The following PLAU variants were observed in gnomAD, a reference collection of about 807,000 sequenced individuals.
The protein encoded by PLAU is plasminogen activator, urokinase.
Under a neutral mutation model 48.9 loss-of-function variants are expected in PLAU, and 32 were observed. The observed-to-expected ratio is 0.65, with a 90% CI of 0.49 to 0.88. PLAU has a LOEUF of 0.88. Ranked by LOEUF, PLAU falls within the 40% of genes least tolerant of loss-of-function variation. The pLI is 0.00. For synonymous variants in PLAU, 199 were observed against 205.7 expected, an observed-to-expected ratio of 0.97 and a Z score of 0.28; for missense variants, 455 against 545.2, an observed-to-expected ratio of 0.83 and a Z score of 1.65.
chr10:73,914,139 A>T lies in PLAU; in HGVS notation c.829+11A>T. On this transcript the variant is annotated intron_variant, in intron 8 of 10. Coordinates refer to ENST00000372764, the MANE Select transcript of PLAU (RefSeq NM_002658.6). The stretch of plus-strand genomic sequence containing the variant: ...ACCACAACGACATTGGTGAGGGGGA[A>T]CCCCGCGACTACTGTGGCCATAATG... 1 of 1,613,326 alleles carries T rather than the reference A, an allele frequency of 6.2e-7. No homozygotes were observed. The highest frequency in any genetic ancestry group is 8.5e-7 in the Non-Finnish European group (1 of 1,179,800).
At position 73,913,973 on chromosome 10, in the gene PLAU, C is replaced by CTT; in HGVS notation, c.681-7_681-6insTT. ...CTAAGCTGTTTGATGGGTATCTTCT[C>CTT]CCACAGTGATTACCCAAAGAAGGAG... is the stretch of plus-strand genomic sequence containing the variant. On this transcript the variant is annotated splice_polypyrimidine_tract_variant and splice_region_variant and intron_variant, in intron 7 of 10. Transcript: ENST00000372764. The CTT allele has an allele frequency of 6.2e-7, 1 of 1,612,598 alleles. No homozygotes were observed. Among genetic ancestry groups the CTT allele is most frequent in the Non-Finnish European group, 8.5e-7 (1 of 1,178,760 alleles).
intron 8 of PLAU, 138 bp from the exon 9 acceptor site, chr10:73,914,638 G>A: frequency 1.3e-6 from 1 of 776,690 alleles, no homozygotes; most frequent in Non-Finnish European, 2.0e-6. Flanking sequence ...AGGTTTCCAG[G>A]TGATAAGCGA....
chr10:73,912,199 C>T lies in PLAU; in HGVS notation c.86-16C>T. 6.2e-7 allele frequency: 1 copy of T among 1,614,214 alleles called. No homozygotes were observed. ...CTTCCACTCCCCCTCGCTTACCCCA[C>T]CTTTGTTCTCTCCAGCGAACTGTGA... is the stretch of plus-strand genomic sequence containing the variant. On this transcript the variant is annotated splice_polypyrimidine_tract_variant and intron_variant, in intron 3 of 10. Transcript: ENST00000372764.
chr10:73,909,497 G>A (rs181062146), upstream of PLAU, among the ~76,000 whole-genome samples: 2 of 152,326 alleles, frequency 1.3e-5, no homozygotes, highest in Admixed American at 1.3e-4. Flanking sequence ...CCAGAAGACA[G>A]TGGGTCACCT....
At position 73,911,546 on chromosome 10, in the gene PLAU, C is replaced by T. The variant is rs992452916; in HGVS notation, c.-10C>T. The T allele has an allele frequency of 6.2e-7, 1 of 1,611,826 alleles. No homozygotes were observed. The highest frequency in any genetic ancestry group is 8.5e-7 in the Non-Finnish European group (1 of 1,179,930). On this transcript the variant is annotated 5_prime_UTR_variant, in exon 2 of 11. Transcript: ENST00000372764. ...GCAGAGCCGCCGTCTAGCGCCCCGA[C>T]CTCGCCACCATGAGAGCCCTGCTGG...
At chr10:73,913,255 T>A (rs2096128658) in intron 5 of PLAU, 35 bp from the exon 6 acceptor site, 1 of 1,608,310 alleles carries the variant, frequency 6.2e-7, no homozygotes, top group Non-Finnish European at 8.5e-7. Flanking sequence ...GCCCTCTGGG[T>A]TGGAATGACA....
chr10:73,914,227 G>A (rs2096131470), intron 8 of PLAU, 99 bp downstream of exon 8: 2 of 1,268,670 alleles, frequency 1.6e-6, no homozygotes, highest in East Asian at 2.4e-5. Flanking sequence ...CGGTGGGGCA[G>A]GGGTGGGGCG....
rs768435349 is a variant in PLAU at position 73,912,990 on chromosome 10, T to G, written c.260T>G (p.Met87Arg). ...CGAGGAAAGGCCAGCACTGACACCATGGGCCGGCCCTGCCTGCCCTGGAAC... is the reference window on the plus strand; with the variant it reads ...CGAGGAAAGGCCAGCACTGACACCAGGGGCCGGCCCTGCCTGCCCTGGAAC... ...FYRGKASTDT[M>R]GRPCLPWNSA... Residue 87 changes from methionine (M) to arginine (R), a missense_variant, in exon 5 of 11, where the codon ATG (methionine) becomes AGG (arginine). Transcript: ENST00000372764. 1 of 1,613,848 alleles carries G rather than the reference T, an allele frequency of 6.2e-7. No homozygotes were observed. Among genetic ancestry groups the G allele is most frequent in the East Asian group, 2.2e-5 (1 of 44,898 alleles).
rs145070893 is a variant in PLAU at position 73,913,679 on chromosome 10, C to T, written c.601C>T (p.Arg201Trp). 3.8e-4 allele frequency: 610 copies of T among 1,613,348 alleles called. No homozygotes were observed. Among genetic ancestry groups the T allele is most frequent in the Middle Eastern group, 5.0e-4 (3 of 6,060 alleles). ...PWFAAIYRRHRGGSVTYVCGG... is the reference protein window; with the variant it reads ...PWFAAIYRRHWGGSVTYVCGG... ...GTTTGCGGCCATCTACAGGAGGCAC[C>T]GGGGGGGCTCTGTCACCTACGTGTG... The change falls in exon 7 of 11, where the codon CGG becomes TGG. Residue 201 changes from arginine to tryptophan, a missense_variant. Coordinates refer to ENST00000372764, the MANE Select transcript of PLAU (RefSeq NM_002658.6).
Position 73,911,622 on chromosome 10 carries a change from C to G in PLAU, c.57+10C>G. 1 of 1,613,806 alleles carries G rather than the reference C, an allele frequency of 6.2e-7. No homozygotes were observed. Among genetic ancestry groups the G allele is most frequent in the Non-Finnish European group, 8.5e-7 (1 of 1,179,942 alleles). On this transcript the variant is annotated intron_variant, in intron 2 of 10. Coordinates refer to ENST00000372764, the MANE Select transcript of PLAU (RefSeq NM_002658.6). ...CGTGAGCGACTCCAAAGTGAGTGCG[C>G]TCTTGCTTTGACTGATGCTGCCCAA...
intron 2 of PLAU, 139 bp from the exon 3 acceptor site, chr10:73,911,902 A>T: frequency 6.3e-7 from 1 of 1,577,772 alleles, no homozygotes; most frequent in Non-Finnish European, 8.6e-7. Flanking sequence ...ATGGTCTTCC[A>T]TTTGAGAACT....
rs565203384 is a variant in PLAU, at chr10:73,915,501, A to G, written c.1119+102A>G. 13 of 1,131,396 alleles carry G rather than the reference A, an allele frequency of 1.1e-5. No individual in the cohort carries two copies. In the East Asian group the frequency reaches 2.7e-4, roughly 23 times the overall value. The allele number at this position is 1,131,396 out of a possible 1,614,324, so 70.1% of individuals were successfully genotyped here. ...GGTGTCTCTCTCTAGCCAAAGCCCT[A>G]AGTAGCCAGAATCAGGAGCTCAGGT... On this transcript the variant is annotated intron_variant, in intron 10 of 10. Transcript: ENST00000372764.
In PLAU at chr10:73,914,119, A is replaced by G. The variant is rs2096131157; in HGVS notation, c.820A>G (p.Asn274Asp). The change falls in exon 8 of 11, where the codon AAC (asparagine) becomes GAC (aspartate). Residue 274 changes from asparagine to aspartate, a missense_variant. Physicochemically the swap from Asn to Asp is conservative, Grantham distance 23. Transcript: ENST00000372764. ...CAGCGCTGACACGCTTGCTCACCAC[A>G]ACGACATTGGTGAGGGGGAACCCCG... is the stretch of plus-strand genomic sequence containing the variant. ...DYSADTLAHH[N>D]DIALLKIRSK... The G allele has an allele frequency of 6.2e-7, 1 of 1,614,068 alleles. No homozygotes were observed. The highest frequency in any genetic ancestry group is 1.1e-5 in the South Asian group (1 of 91,082).
Position 73,912,942 on chromosome 10 carries a change from A to C in PLAU, c.212A>C (p.Tyr71Ser). 1 of 1,613,060 alleles carries C rather than the reference A, an allele frequency of 6.2e-7. No homozygotes were observed. The highest frequency in any genetic ancestry group is 8.5e-7 in the Non-Finnish European group (1 of 1,179,560). Residue 71 changes from tyrosine to serine, a missense_variant, in exon 5 of 11, where the codon TAT becomes TCT. Coordinates refer to ENST00000372764, the MANE Select transcript of PLAU (RefSeq NM_002658.6). ...HCEIDKSKTC[Y>S]EGNGHFYRGK... ...CTTGTAGATAAGTCAAAAACCTGCT[A>C]TGAGGGGAATGGTCACTTTTACCGA...
rs569996769 is a variant in PLAU at position 73,912,746 on chromosome 10, G to T, written c.194-178G>T. ...GATGCCTGTAGTCCCAGCTACTTGG[G>T]AGGCTGAGGCAGGAGAATTGCTTGA... On this transcript the variant is annotated intron_variant, in intron 4 of 10. Coordinates refer to ENST00000372764, the MANE Select transcript of PLAU (RefSeq NM_002658.6). Among the ~76,000 whole-genome samples, 301 of 152,126 alleles carry T rather than the reference G, an allele frequency of 2.0e-3. 1 individual carries two copies. The highest frequency in any genetic ancestry group is 2.5e-3 in the Non-Finnish European group (169 of 67,996).
At position 73,914,016 on chromosome 10, in the gene PLAU, G is replaced by A. The variant is rs748966578; in HGVS notation, c.717G>A (p.Leu239=). The A allele has an allele frequency of 1.2e-6, 2 of 1,613,908 alleles. No individual in the cohort carries two copies. The highest frequency in any genetic ancestry group is 1.3e-5 in the African/African-American group (1 of 75,058). The change falls in exon 8 of 11, where the codon CTG becomes CTA. Residue 239 remains leucine, a synonymous_variant. Transcript: ENST00000372764. ...YPKKEDYIVY[L]GRSRLNSNTQ... is the part of the protein sequence containing the mutation. ...AGAAGGAGGACTACATCGTCTACCTGGGTCGCTCAAGGCTTAACTCCAACA... is the reference window on the plus strand; with the variant it reads ...AGAAGGAGGACTACATCGTCTACCTAGGTCGCTCAAGGCTTAACTCCAACA...
Position 73,911,230 on chromosome 10 carries a change from G to A in PLAU, c.-32+12G>A, listed in dbSNP as rs1448945822. On this transcript the variant is annotated intron_variant, in intron 1 of 10. Transcript: ENST00000372764. ...TGCCGCAGCCACCGGTGAGTGCCGC[G>A]GTCCTGAGATCCCCGGGCCGGATGC... The A allele has an allele frequency of 2.5e-6, 1 of 394,416 alleles. No individual in the cohort carries two copies. Among genetic ancestry groups the A allele is most frequent in the African/African-American group, 2.2e-5 (1 of 46,214 alleles). The allele number at this position is 394,416 out of a possible 1,614,324, so 24.4% of individuals were successfully genotyped here.
chr10:73,912,214 G>A lies in PLAU; in HGVS notation c.86-1G>A. On this transcript the variant is annotated splice_acceptor_variant, in intron 3 of 10. Coordinates refer to ENST00000372764, the MANE Select transcript of PLAU (RefSeq NM_002658.6). LOFTEE classifies it high-confidence loss of function. The stretch of plus-strand genomic sequence containing the variant: ...GCTTACCCCACCTTTGTTCTCTCCA[G>A]CGAACTGTGACTGTCTAAATGGAGG... 2.5e-6 allele frequency: 4 copies of A among 1,614,148 alleles called. No homozygotes were observed. The highest frequency in any genetic ancestry group is 3.4e-6 in the Non-Finnish European group (4 of 1,180,028).
In PLAU at chr10:73,912,619, G is replaced by GT. The variant is rs112784885; in HGVS notation, c.193+297_193+298insT. Among the ~76,000 whole-genome samples, 74,564 of 151,534 alleles carry GT rather than the reference G, an allele frequency of 0.49. 19,022 individuals carry two copies. The highest frequency in any genetic ancestry group is 0.59 in the Middle Eastern group (170 of 290). The stretch of plus-strand genomic sequence containing the variant: ...TAATCCCAGCATTTTGAGAGGTCAA[G>GT]GTGAGTGGATCATTTGAGGTCAGGA... On this transcript the variant is annotated intron_variant, in intron 4 of 10. Coordinates refer to ENST00000372764, the MANE Select transcript of PLAU (RefSeq NM_002658.6).
Sources: allele counts gnomAD v4.1 joint callset (sites outside exome capture counted in the v4.1 genomes callset), GRCh38; gene constraint gnomAD v4.1.1; transcripts MANE v1.5; gene names NCBI Gene and HGNC (gene_info 2026-07-23, HGNC 2026-07-21).